SMC1B: variants seen among roughly 807,000 people sequenced by gnomAD.
SMC1B encodes the protein structural maintenance of chromosomes protein 1B.
A neutral mutation model predicts 157.9 loss-of-function variants in SMC1B; 60 were observed. The ratio of observed to expected loss-of-function variants is 0.38; its 90% CI spans 0.31 to 0.47. SMC1B has a LOEUF of 0.47. SMC1B is among the 20% of genes least tolerant of loss of function. SMC1B has a pLI of 0.99. For missense variants in SMC1B, 1,165 were observed against 1,426.2 expected (o/e 0.82, Z 2.95); for synonymous variants, 445 against 483.0 (o/e 0.92, Z 1.03).
At position 45,400,624 on chromosome 22, in the gene SMC1B, T is replaced by G. The variant is rs139759195; in HGVS notation, c.855-1271A>C. ...GTAAAACATAACTCTCCTTACTCCTTAAGTGTGGGCTAAGCATAGTGACTT... is the reference window on the plus strand; with the variant it reads ...GTAAAACATAACTCTCCTTACTCCTGAAGTGTGGGCTAAGCATAGTGACTT... On this transcript the variant is annotated intron_variant, in intron 5 of 24. Transcript: ENST00000357450. 5.2e-3 allele frequency among the ~76,000 whole-genome samples: 792 copies of G among 152,266 alleles called. 5 individuals carry two copies. The highest frequency in any genetic ancestry group is 9.1e-3 in the Non-Finnish European group (622 of 68,016).
intron 22 of SMC1B, 87 bp downstream of exon 22, chr22:45,352,364 T>A (rs2086623803): frequency 1.6e-6 from 2 of 1,213,458 alleles, no homozygotes; most frequent in Non-Finnish European, 2.2e-6. Context: ...TAAATATTAA[T>A]AAAGACAATA....
chr22:45,384,719 CAA>C (rs541797611), intron 11 of SMC1B, among the ~76,000 whole-genome samples: 13 of 119,536 alleles, frequency 1.1e-4, no homozygotes, highest in Admixed American at 8.7e-5. Context: ...GACTCCATTT[CAA>C]AAAAAAAAAA....
intron 2 of SMC1B, among the ~76,000 whole-genome samples, chr22:45,407,802 A>C (rs768655879): frequency 1.3e-5 from 2 of 152,156 alleles, no homozygotes. Context: ...TGCAGAAGTG[A>C]CTATGCCTCT....
At chr22:45,407,383 C>T (rs972230060) in intron 2 of SMC1B, among the ~76,000 whole-genome samples, 1 of 152,086 alleles carries the variant, frequency 6.6e-6, no homozygotes, top group Admixed American at 6.5e-5. Flanking sequence ...TTCACATGTA[C>T]AGGACAAAGG....
At chr22:45,361,043 G>A (rs1241616275) in intron 17 of SMC1B, among the ~76,000 whole-genome samples, 1 of 151,568 alleles carries the variant, frequency 6.6e-6, no homozygotes, top group Non-Finnish European at 1.5e-5. Flanking sequence ...CACTCTAAGT[G>A]CGTATGAATA....
rs117980421 is a variant in SMC1B, at chr22:45,413,228, G to A, written c.109+231C>T. On this transcript the variant is annotated intron_variant, in intron 1 of 24. Transcript: ENST00000357450. ...CAGGACCTCCGAGGTGGGGCGGAGG[G>A]ACAAGGGTCGGGACCCCTGAGGTGG... Among the ~76,000 whole-genome samples the A allele has an allele frequency of 2.2e-3, 333 of 152,160 alleles. 2 individuals are homozygous for A. The highest frequency in any genetic ancestry group is 1.9e-3 in the East Asian group (10 of 5,148).
chr22:45,411,395 T>C (rs1442453077), intron 1 of SMC1B, among the ~76,000 whole-genome samples: 2 of 152,112 alleles, frequency 1.3e-5, no homozygotes, highest in African/African-American at 2.4e-5. Flanking sequence ...GGTAAATCCA[T>C]AGAGACAGAA....
intron 6 of SMC1B, 33 bp from the exon 7 acceptor site, chr22:45,396,519 A>C (rs753241650): frequency 2.5e-6 from 4 of 1,580,168 alleles, no homozygotes; most frequent in Non-Finnish European, 3.4e-6. Flanking sequence ...TTGCTAATTC[A>C]CCTTAAGAAG....
At chr22:45,355,723 AG>A (rs2086663361) in intron 19 of SMC1B, among the ~76,000 whole-genome samples, 1 of 96 alleles carries the variant, frequency 0.01, no homozygotes, top group African/African-American at 0.033. Context: ...TGAATAGAAG[AG>A]AAAAAGTGCC....
intron 9 of SMC1B, among the ~76,000 whole-genome samples, chr22:45,393,157 C>T (rs1031685543): frequency 1.3e-5 from 2 of 152,112 alleles, no homozygotes; most frequent in Non-Finnish European, 2.9e-5. Flanking sequence ...TGCTGGCACC[C>T]CAAGCAACAA....
intron 12 of SMC1B, among the ~76,000 whole-genome samples, chr22:45,379,783 A>G (rs1201780806): frequency 2.5e-5 from 3 of 118,140 alleles, no homozygotes; most frequent in African/African-American, 3.4e-5. Context: ...TCTTGGCTGG[A>G]GTGCAGTGGC....
At chr22:45,346,938 G>A (rs899064946) in intron 23 of SMC1B, among the ~76,000 whole-genome samples, 4 of 152,132 alleles carry the variant, frequency 2.6e-5, no homozygotes, top group Non-Finnish European at 5.9e-5. Flanking sequence ...ACATAGGATG[G>A]GTACTAGTAG....
chr22:45,347,007 C>G, intron 23 of SMC1B, among the ~76,000 whole-genome samples: 1 of 152,132 alleles, frequency 6.6e-6, no homozygotes, highest in Non-Finnish European at 1.5e-5. Context: ...CTAATTTTTC[C>G]TCAAACAAAT....
At chr22:45,384,506 G>A (rs1487968844) in intron 11 of SMC1B, among the ~76,000 whole-genome samples, 2 of 152,046 alleles carry the variant, frequency 1.3e-5, no homozygotes, top group African/African-American at 4.8e-5. Context: ...GATCACTTGA[G>A]GTCAGGAGTT....
chr22:45,396,303 C>A (rs1287650465), intron 7 of SMC1B, 43 bp downstream of exon 7: 1 of 1,546,514 alleles, frequency 6.5e-7, no homozygotes, highest in Non-Finnish European at 8.8e-7. Flanking sequence ...AATAAAATTT[C>A]ATTAAGAATG....
At position 45,399,312 on chromosome 22, in the gene SMC1B, A is replaced by G; in HGVS notation, c.896T>C (p.Ile299Thr). 6.2e-7 allele frequency: 1 copy of G among 1,613,946 alleles called. No homozygotes were observed. Residue 299 changes from isoleucine to threonine, a missense_variant, in exon 6 of 25, where the codon ATT becomes ACT. Transcript: ENST00000357450. ...GTGAGAAGTGTTTTCTTTGGCTTTA[A>G]TGTACTGAGGCCTCTTCTGATTTAA... ...TLLNQKRPQY[I>T]KAKENTSHHL...
chr22:45,402,553 G>A lies in SMC1B; in HGVS notation c.634C>T (p.Leu212Phe). Reference protein sequence around the residue: ...EKEEAERYQSLLEELKMNKIQ... With the variant: ...EKEEAERYQSFLEELKMNKIQ... ...TTGTTCATTTTCAGTTCTTCAAGGAGACTCTGGTAACGTTCTGCCTATAAA... is the reference window on the plus strand; with the variant it reads ...TTGTTCATTTTCAGTTCTTCAAGGAAACTCTGGTAACGTTCTGCCTATAAA... Residue 212 changes from leucine to phenylalanine, a missense_variant, in exon 5 of 25, where the codon CTC (leucine) becomes TTC (phenylalanine). Leu to Phe is a conservative substitution (Grantham distance 22). Transcript: ENST00000357450. The A allele has an allele frequency of 6.2e-7, 1 of 1,613,260 alleles. No homozygotes were observed. Among genetic ancestry groups the A allele is most frequent in the Non-Finnish European group, 8.5e-7 (1 of 1,179,496 alleles).
chr22:45,346,158 T>C (rs748589852), intron 23 of SMC1B, among the ~76,000 whole-genome samples: 3 of 152,166 alleles, frequency 2.0e-5, no homozygotes, highest in African/African-American at 7.2e-5. Flanking sequence ...TGAGCCGAGA[T>C]TGTGCCACTG....
chr22:45,354,097 T>C lies in SMC1B; in HGVS notation c.3154A>G (p.Arg1052Gly). ...TTTTTCACTTGCTCGAACTCTTGCC[T>C]ACACAGTCTGGCTTCCTTTCTGCTG... is the stretch of plus-strand genomic sequence containing the variant. The part of the protein sequence containing the change: ...EASRKEARLC[R>G]QEFEQVKKRR... The change falls in exon 21 of 25, where the codon AGG becomes GGG. Residue 1052 changes from arginine (R) to glycine (G), a missense_variant. By Grantham distance (125) the Arg-to-Gly change is moderately radical (BLOSUM62 -2). Transcript: ENST00000357450. The C allele has an allele frequency of 1.3e-6, 2 of 1,592,822 alleles. No individual in the cohort carries two copies. Among genetic ancestry groups the C allele is most frequent in the Non-Finnish European group, 1.7e-6 (2 of 1,173,052 alleles).
Sources: allele counts gnomAD v4.1 joint callset (sites outside exome capture counted in the v4.1 genomes callset), GRCh38; gene constraint gnomAD v4.1.1; transcripts MANE v1.5; gene names NCBI Gene and HGNC (gene_info 2026-07-23, HGNC 2026-07-21).